The following TELO2 variants were observed in gnomAD, a reference collection of about 807,000 sequenced individuals.
TELO2 encodes telomere length regulation protein TEL2 homolog.
Under a neutral mutation model 91.0 loss-of-function variants are expected in TELO2, and 71 were observed. That is an observed-to-expected ratio of 0.78 (90% confidence interval 0.64 to 0.95). The LOEUF (loss-of-function observed/expected upper bound fraction) is 0.95, where lower values mean the gene tolerates loss of function less well. Ranked by LOEUF, TELO2 falls within the 40% of genes least tolerant of loss-of-function variation. The pLI, the probability that TELO2 is intolerant of heterozygous loss-of-function variation, is 0.00. For missense variants in TELO2, 1,183 were observed against 1,141.3 expected, an observed-to-expected ratio of 1.04 and a Z score of -0.53; for synonymous variants, 584 against 518.9, an observed-to-expected ratio of 1.13 and a Z score of -1.71.
At chr16:1,501,199 G>A (rs961702597) in intron 9 of TELO2, among the ~76,000 whole-genome samples, 3 of 152,212 alleles carry the variant, frequency 2.0e-5, no homozygotes, top group Admixed American at 6.5e-5. Flanking sequence ...CTTCGAGAGG[G>A]GCCACGGCCC....
Position 1,502,117 on chromosome 16 carries a change from G to C in TELO2, c.1543G>C (p.Val515Leu), listed in dbSNP as rs116528933. ...ELKSSKAPAY[V>L]RDCVEALTTS... The stretch of plus-strand genomic sequence containing the variant: ...GAAGAGCAGCAAGGCTCCTGCCTAC[G>C]TCCGGGACTGCGTGGAAGGTGGGCA... Residue 515 changes from valine (V) to leucine (L), a missense_variant, in exon 12 of 21, where the codon GTC becomes CTC. Coordinates refer to ENST00000262319, the MANE Select transcript of TELO2 (RefSeq NM_016111.4). The C allele has an allele frequency of 1.2e-6, 2 of 1,612,882 alleles. No homozygotes were observed. Among genetic ancestry groups the C allele is most frequent in the Non-Finnish European group, 1.7e-6 (2 of 1,179,966 alleles).
At chr16:1,508,479 G>T (rs2039989613) in intron 20 of TELO2, among the ~76,000 whole-genome samples, 1 of 152,222 alleles carries the variant, frequency 6.6e-6, no homozygotes, top group Non-Finnish European at 1.5e-5. Flanking sequence ...CCAGTGGTTG[G>T]TTTGTGGGGC....
At chr16:1,496,976 CTAGATGTTCTT>C (rs2039514615) in intron 3 of TELO2, 49 bp from the exon 4 acceptor site, 2 of 1,556,282 alleles carry the variant, frequency 1.3e-6, no homozygotes, top group Non-Finnish European at 1.8e-6. Context: ...CTCCCCACAC[CTAGATGTTCTT>C]TTGTGCCTTC....
chr16:1,503,132 T>C, intron 15 of TELO2, 130 bp downstream of exon 15: 1 of 1,015,244 alleles, frequency 9.8e-7, no homozygotes, highest in African/African-American at 1.6e-5. Flanking sequence ...CCTTCGTGAG[T>C]GTGTGACCCG....
At chr16:1,507,450 C>T in intron 19 of TELO2, 80 bp downstream of exon 19, 5 of 1,563,498 alleles carry the variant, frequency 3.2e-6, no homozygotes, top group African/African-American at 2.7e-5. Flanking sequence ...CGTGGAGCCT[C>T]GAGGTGGCTG....
chr16:1,505,348 G>T lies in TELO2; in HGVS notation c.1843-62G>T. On this transcript the variant is annotated intron_variant, in intron 15 of 20. Transcript: ENST00000262319. The surrounding 1 kb of genome is among the most constrained non-coding windows in gnomAD (Gnocchi z 4.3). ...CCGTTTCTGGGGCTTTGGCTGACTT[G>T]ACTCTTGGGAAATGTTCTTCCCTGG... The T allele has an allele frequency of 6.5e-7, 1 of 1,548,284 alleles. No individual in the cohort carries two copies. The highest frequency in any genetic ancestry group is 8.7e-7 in the Non-Finnish European group (1 of 1,143,616).
chr16:1,507,680 ATGGACGAGCTGC>A lies in TELO2; in HGVS notation c.2376_2387del (p.Asp792_Leu795del), dbSNP rs2039948213. Reference sequence around the variant, plus strand: ...TGCTGCGCGCCTGCTGGAGGACCTGATGGACGAGCTGCTGGAAGCCCGGTCCTGGCTGGCGGG... The same window carrying A: ...TGCTGCGCGCCTGCTGGAGGACCTGATGGAAGCCCGGTCCTGGCTGGCGGG... On this transcript the variant is annotated inframe_deletion, in exon 20 of 21. Coordinates refer to ENST00000262319, the MANE Select transcript of TELO2 (RefSeq NM_016111.4). The A allele has an allele frequency of 6.2e-7, 1 of 1,603,954 alleles. No individual in the cohort carries two copies. The highest frequency in any genetic ancestry group is 8.5e-7 in the Non-Finnish European group (1 of 1,179,706).
chr16:1,502,791 G>A (rs1046879176), intron 14 of TELO2, 30 bp downstream of exon 14: 7 of 1,608,118 alleles, frequency 4.4e-6, no homozygotes, highest in South Asian at 3.3e-5. Flanking sequence ...GCCCTGGCCA[G>A]TGCAGGCACA....
At chr16:1,504,460 G>A (rs1027495928) in intron 15 of TELO2, among the ~76,000 whole-genome samples, 4 of 148,678 alleles carry the variant, frequency 2.7e-5, no homozygotes, top group African/African-American at 7.4e-5. Flanking sequence ...AAAAAAGGGA[G>A]GGGAGGGGTT....
At position 1,495,476 on chromosome 16, in the gene TELO2, C is replaced by G. The variant is rs1311418590; in HGVS notation, c.466C>G (p.Leu156Val). The change falls in exon 3 of 21, where the codon CTG becomes GTG. Residue 156 changes from leucine to valine, a missense_variant. Transcript: ENST00000262319. Reference protein sequence around the residue: ...QPGFILLRETLLGKVVALPDH... With the variant: ...QPGFILLRETVLGKVVALPDH... ...CGGCTTCATCCTGCTCCGGGAGACG[C>G]TGCTGGGCAAGGTGGTGGCCCTGCC... 1 of 1,610,652 alleles carries G rather than the reference C, an allele frequency of 6.2e-7. No individual in the cohort carries two copies. Among genetic ancestry groups the G allele is most frequent in the South Asian group, 1.1e-5 (1 of 90,968 alleles).
At chr16:1,496,060 A>G (rs1010202638) in intron 3 of TELO2, among the ~76,000 whole-genome samples, 5 of 152,340 alleles carry the variant, frequency 3.3e-5, no homozygotes, top group Non-Finnish European at 1.5e-5. Context: ...GCGTTTCACT[A>G]GCGAGAAGGA....
At chr16:1,498,542 A>G (rs1321333745) in intron 5 of TELO2, among the ~76,000 whole-genome samples, 1 of 152,020 alleles carries the variant, frequency 6.6e-6, no homozygotes, top group Admixed American at 6.6e-5. Context: ...GGCTCCAGCG[A>G]TCTTCCCACC....
At position 1,509,837 on chromosome 16, in the gene TELO2, T is replaced by G; in HGVS notation, c.2415T>G (p.Ala805=). The change falls in exon 21 of 21, where the codon GCT becomes GCG. Residue 805 remains alanine, a synonymous_variant. Coordinates refer to ENST00000262319, the MANE Select transcript of TELO2 (RefSeq NM_016111.4). Reference sequence around the variant, plus strand: ...GTCACTCTCGTCTGGCAGACGTGGCTGAGAAAGACCCGGACGAGGACTGCA... The same window carrying G: ...GTCACTCTCGTCTGGCAGACGTGGCGGAGAAAGACCCGGACGAGGACTGCA... ...LEARSWLADV[A]EKDPDEDCRT... 4 of 1,610,836 alleles carry G rather than the reference T, an allele frequency of 2.5e-6. No individual in the cohort carries two copies. The highest frequency in any genetic ancestry group is 3.4e-6 in the Non-Finnish European group (4 of 1,179,070).
At chr16:1,504,433 C>CAAAAAAAA (rs1197074771) in intron 15 of TELO2, among the ~76,000 whole-genome samples, 8 of 26,922 alleles carry the variant, frequency 3.0e-4, no homozygotes, top group Admixed American at 4.8e-4. Flanking sequence ...GACTCCATCT[C>CAAAAAAAA]AAAAAAAAAA....
Position 1,500,107 on chromosome 16 carries a change from G to A in TELO2, c.945G>A (p.Leu315=). Residue 315 remains leucine, a synonymous_variant, in exon 7 of 21, where the codon CTG becomes CTA. Coordinates refer to ENST00000262319, the MANE Select transcript of TELO2 (RefSeq NM_016111.4). ...FLQSRLTTPM[L]QSLLGHLAMD... Reference sequence around the variant, plus strand: ...TGCTTTTATTGCAGACGCCCATGCTGCAGAGCCTGCTGGGCCATCTGGCCA... The same window carrying A: ...TGCTTTTATTGCAGACGCCCATGCTACAGAGCCTGCTGGGCCATCTGGCCA... 1 of 1,609,032 alleles carries A rather than the reference G, an allele frequency of 6.2e-7. No individual in the cohort carries two copies. The highest frequency in any genetic ancestry group is 8.5e-7 in the Non-Finnish European group (1 of 1,179,382).
chr16:1,494,499 C>A lies in TELO2; in HGVS notation c.218C>A (p.Ala73Asp). ...LRCLASRLSP[A>D]WLELLPHGRL... Reference sequence around the variant, plus strand: ...TGTCTTGCCAGCAGGCTGAGCCCAGCCTGGCTGGAGCTGCTGCCCCATGGC... The same window carrying A: ...TGTCTTGCCAGCAGGCTGAGCCCAGACTGGCTGGAGCTGCTGCCCCATGGC... The change falls in exon 2 of 21, where the codon GCC becomes GAC. Residue 73 changes from alanine (A) to aspartate (D), a missense_variant. Ala to Asp is a moderately radical substitution (Grantham distance 126, BLOSUM62 -2). Transcript: ENST00000262319. This position sits in a 1 kb window ranked among gnomAD's most constrained non-coding sequence, Gnocchi z 5.6. 6.2e-7 allele frequency: 1 copy of A among 1,613,296 alleles called. No individual in the cohort carries two copies. Among genetic ancestry groups the A allele is most frequent in the South Asian group, 1.1e-5 (1 of 91,078 alleles).
In TELO2 at chr16:1,507,389, T is replaced by TGGGCC. The variant is rs751788366; in HGVS notation, c.2291+20_2291+24dup. 1 of 1,608,982 alleles carries TGGGCC rather than the reference T, an allele frequency of 6.2e-7. No individual in the cohort carries two copies. Among genetic ancestry groups the TGGGCC allele is most frequent in the South Asian group, 1.1e-5 (1 of 91,004 alleles). On this transcript the variant is annotated intron_variant, in intron 19 of 20. Transcript: ENST00000262319. ...TCGATGCGTGAGTGGCCTGTGGGGC[T>TGGGCC]GGGCCAGGCCAGGGGTGCAGGCAGA...
Position 1,505,714 on chromosome 16 carries a change from G to A in TELO2, c.2034+113G>A, listed in dbSNP as rs1313111612. The stretch of plus-strand genomic sequence containing the variant: ...GCGAGGGGCGGCCACATTCGCTGGG[G>A]ATGGTGCCTTTGCCGGGATTCCTGA... On this transcript the variant is annotated intron_variant, in intron 16 of 20. Transcript: ENST00000262319. The surrounding 1 kb of genome is among the most constrained non-coding windows in gnomAD (Gnocchi z 4.3). The A allele has an allele frequency of 3.0e-6, 4 of 1,314,174 alleles. No homozygotes were observed. The East Asian group carries it at 7.6e-5, about 25-fold the overall frequency. The allele number at this position is 1,314,174 out of a possible 1,614,324, so 81.4% of individuals were successfully genotyped here.
At chr16:1,509,289 A>G (rs1057484932) in intron 20 of TELO2, among the ~76,000 whole-genome samples, 16 of 151,600 alleles carry the variant, frequency 1.1e-4, no homozygotes, top group African/African-American at 3.9e-4. Context: ...GTGCCTCCTC[A>G]CCCTGCGATT....
Sources: allele counts gnomAD v4.1 joint callset (sites outside exome capture counted in the v4.1 genomes callset), GRCh38; gene constraint gnomAD v4.1.1; non-coding constraint Gnocchi (gnomAD v3.1); transcripts MANE v1.5; gene names NCBI Gene and HGNC (gene_info 2026-07-23, HGNC 2026-07-21).